Variants in CMYA5 observed in about 807,000 individuals in gnomAD.
CMYA5 encodes cardiomyopathy-associated protein 5.
In CMYA5, 246 loss-of-function variants were observed where a neutral mutation model predicts 318.9. The observed-to-expected ratio is 0.77, with a 90% CI of 0.70 to 0.86. CMYA5 has a LOEUF of 0.86. Ranked by LOEUF, CMYA5 falls within the 40% of genes least tolerant of loss-of-function variation. The pLI is 0.00. For synonymous variants in CMYA5, 1,641 were observed against 1,729.5 expected (o/e 0.95, Z 1.27); for missense variants, 4,589 against 4,678.2 (o/e 0.98, Z 0.56).
chr5:79,736,095 G>T lies in CMYA5; in HGVS notation c.7330G>T (p.Glu2444Ter). 6.2e-7 allele frequency: 1 copy of T among 1,612,798 alleles called. No homozygotes were observed. The highest frequency in any genetic ancestry group is 8.5e-7 in the Non-Finnish European group (1 of 1,179,600). ...TCCTACTTCCTTGAAAATTTCTGAA[G>T]AGGAAACAAAACTCAGGTCTGTTAG... Reference protein sequence around the residue: ...QNPTSLKISEEETKLRSVSPT... With the variant: ...QNPTSLKISE The change falls in exon 2 of 13, where the codon GAG becomes TAG. Residue 2444 changes from glutamate (E) to a stop codon, truncating the protein, a stop_gained. Transcript: ENST00000446378. LOFTEE classifies it high-confidence loss of function.
chr5:79,730,166 A>T lies in CMYA5; in HGVS notation c.1401A>T (p.Glu467Asp). ...QPDLTSIERA[E>D]PVSAKLTPTH... ...ACCTGACTTCAATAGAAAGGGCAGAACCAGTCTCCGCAAAACTGACCCCTA... is the reference window on the plus strand; with the variant it reads ...ACCTGACTTCAATAGAAAGGGCAGATCCAGTCTCCGCAAAACTGACCCCTA... The change falls in exon 2 of 13, where the codon GAA becomes GAT. Residue 467 changes from glutamate (E) to aspartate (D), a missense_variant. This residue lies in a region of CMYA5 where 2,132 missense variants were observed against 2,131.3 expected (regional missense o/e 1.00). Coordinates refer to ENST00000446378, the MANE Select transcript of CMYA5 (RefSeq NM_153610.5). 1 of 1,613,952 alleles carries T rather than the reference A, an allele frequency of 6.2e-7. No homozygotes were observed. The highest frequency in any genetic ancestry group is 1.3e-5 in the African/African-American group (1 of 75,040).
At chr5:79,691,907 A>G (rs928442533) in intron 1 of CMYA5, among the ~76,000 whole-genome samples, 2 of 152,200 alleles carry the variant, frequency 1.3e-5, no homozygotes, top group Non-Finnish European at 2.9e-5. Flanking sequence ...AAGGTGGGAA[A>G]ACTGAAGGGC....
intron 9 of CMYA5, among the ~76,000 whole-genome samples, chr5:79,770,983 T>C (rs1356520065): frequency 6.6e-6 from 1 of 151,960 alleles, no homozygotes; most frequent in East Asian, 1.9e-4. Flanking sequence ...ACAACATCTC[T>C]TTTAATGTGC....
At chr5:79,708,384 G>A (rs1017335460) in intron 1 of CMYA5, among the ~76,000 whole-genome samples, 25 of 152,176 alleles carry the variant, frequency 1.6e-4, no homozygotes. Context: ...CACTTTGGGA[G>A]GCCGAGGCAG....
At position 79,737,908 on chromosome 5, in the gene CMYA5, G is replaced by A. The variant is rs371227680; in HGVS notation, c.9143G>A (p.Ser3048Asn). 4 of 1,605,790 alleles carry A rather than the reference G, an allele frequency of 2.5e-6. No homozygotes were observed. The highest frequency in any genetic ancestry group is 3.4e-6 in the Non-Finnish European group (4 of 1,178,050). Residue 3048 changes from serine to asparagine, a missense_variant, in exon 2 of 13, where the codon AGT becomes AAT. Physicochemically the swap from Ser to Asn is conservative, Grantham distance 46. Around this residue, in one of 3 missense-constraint regions of CMYA5, gnomAD observed 2,431 missense variants for 2,495.1 expected, o/e 0.97. Coordinates refer to ENST00000446378, the MANE Select transcript of CMYA5 (RefSeq NM_153610.5). ...TCATTTATTCAGCCCACAATTCCCA[G>A]TGAAGAGGATTATTTTGAAAAATAT... ...DLSFIQPTIP[S>N]EEDYFEKYTL...
rs1229266829 is a variant in CMYA5, at chr5:79,732,769, C to T, written c.4004C>T (p.Ala1335Val). Reference sequence around the variant, plus strand: ...GTTGAACATGGTCCACCTGCACTAGCATTTTCAGCTTTGTCAGAAGAAATT... The same window carrying T: ...GTTGAACATGGTCCACCTGCACTAGTATTTTCAGCTTTGTCAGAAGAAATT... ...KQVEHGPPALAFSALSEEIKK... is the reference protein window; with the variant it reads ...KQVEHGPPALVFSALSEEIKK... Residue 1335 changes from alanine to valine, a missense_variant, in exon 2 of 13, where the codon GCA (alanine) becomes GTA (valine). This residue lies in a region of CMYA5 where 2,132 missense variants were observed against 2,131.3 expected (regional missense o/e 1.00). Transcript: ENST00000446378. The T allele has an allele frequency of 6.2e-6, 10 of 1,613,760 alleles. No individual in the cohort carries two copies. Among genetic ancestry groups the T allele is most frequent in the Non-Finnish European group, 8.5e-7 (1 of 1,179,826 alleles).
rs1580776983 is a variant in CMYA5, at chr5:79,738,326, T to G, written c.9561T>G (p.Pro3187=). 6.2e-7 allele frequency: 1 copy of G among 1,613,698 alleles called. No individual in the cohort carries two copies. The highest frequency in any genetic ancestry group is 1.1e-5 in the South Asian group (1 of 91,018). Residue 3187 remains proline (P), a synonymous_variant, in exon 2 of 13, where the codon CCT becomes CCG. Coordinates refer to ENST00000446378, the MANE Select transcript of CMYA5 (RefSeq NM_153610.5). ...ATCCAGAATTTCTGGAGGAGCCACC[T>G]GCACTTGCATTTTTATATAAGGATC... ...VIDPEFLEEP[P]ALAFLYKDLY... is the part of the protein sequence containing the mutation.
intron 6 of CMYA5, among the ~76,000 whole-genome samples, chr5:79,755,844 T>C (rs530973322): frequency 4.7e-4 from 72 of 152,354 alleles, no homozygotes; most frequent in Non-Finnish European, 8.7e-4. Context: ...CTAACCTACA[T>C]ACTTTGCTTC....
rs1391809271 is a variant in CMYA5 at position 79,737,439 on chromosome 5, T to A, written c.8674T>A (p.Tyr2892Asn). The A allele has an allele frequency of 6.2e-7, 1 of 1,613,722 alleles. No homozygotes were observed. Among genetic ancestry groups the A allele is most frequent in the Non-Finnish European group, 8.5e-7 (1 of 1,179,812 alleles). Residue 2892 changes from tyrosine (Y) to asparagine (N), a missense_variant, in exon 2 of 13, where the codon TAT becomes AAT. This residue lies in a region of CMYA5 where 2,431 missense variants were observed against 2,495.1 expected (regional missense o/e 0.97). Transcript: ENST00000446378. The part of the protein sequence containing the change: ...KEPLSSAKSN[Y>N]AQFISNTSAS... ...ACCACTGTCTTCAGCAAAAAGCAAC[T>A]ATGCTCAATTTATATCTAATACATC...
At chr5:79,785,503 G>A (rs976984780) in intron 9 of CMYA5, among the ~76,000 whole-genome samples, 8 of 151,452 alleles carry the variant, frequency 5.3e-5, no homozygotes, top group African/African-American at 1.5e-4. Flanking sequence ...TCTTTATATA[G>A]ATCTTATATC....
Position 79,799,445 on chromosome 5 carries a change from G to A in CMYA5, c.12039G>A (p.Leu4013=). The change falls in exon 13 of 13, where the codon CTG becomes CTA. Residue 4013 remains leucine (L), a synonymous_variant. Transcript: ENST00000446378. ...GTCCAGCCAGAGTGGGCATCCTGCT[G>A]GACTACAACAACCAGAGACTTATCT... is the stretch of plus-strand genomic sequence containing the variant. The part of the protein sequence containing the change: ...TERPARVGIL[L]DYNNQRLIFI... 3.1e-6 allele frequency: 5 copies of A among 1,613,950 alleles called. No homozygotes were observed. The highest frequency in any genetic ancestry group is 4.2e-6 in the Non-Finnish European group (5 of 1,179,886).
intron 10 of CMYA5, 117 bp downstream of exon 10, chr5:79,789,221 G>A (rs1829134888): frequency 2.5e-6 from 3 of 1,223,956 alleles, no homozygotes; most frequent in East Asian, 2.5e-5. Context: ...TCAGTGGTAG[G>A]TTTTTGTCAT....
chr5:79,722,790 G>A (rs1827667149), intron 1 of CMYA5, among the ~76,000 whole-genome samples: 1 of 151,754 alleles, frequency 6.6e-6, no homozygotes, highest in South Asian at 2.1e-4. Flanking sequence ...AAAATTTTAG[G>A]TCTTGTGTAC....
intron 1 of CMYA5, among the ~76,000 whole-genome samples, chr5:79,721,757 A>T: frequency 6.6e-6 from 1 of 152,354 alleles, no homozygotes; most frequent in African/African-American, 2.4e-5. Context: ...ACTATTATTA[A>T]AAGTTAAAAT....
chr5:79,716,251 G>T (rs930402346), intron 1 of CMYA5, among the ~76,000 whole-genome samples: 14 of 152,190 alleles, frequency 9.2e-5, no homozygotes, highest in Admixed American at 5.2e-4. Flanking sequence ...AGCTAGAGAT[G>T]AAAATATCAA....
intron 1 of CMYA5, among the ~76,000 whole-genome samples, chr5:79,701,018 G>A (rs1343097589): frequency 6.7e-6 from 1 of 150,002 alleles, no homozygotes; most frequent in African/African-American, 2.5e-5. Flanking sequence ...GCTGAGGCAA[G>A]CGGATCACTT....
At position 79,730,789 on chromosome 5, in the gene CMYA5, A is replaced by G; in HGVS notation, c.2024A>G (p.Glu675Gly). The G allele has an allele frequency of 1.9e-6, 3 of 1,613,866 alleles. No individual in the cohort carries two copies. The highest frequency in any genetic ancestry group is 2.5e-6 in the Non-Finnish European group (3 of 1,179,848). The change falls in exon 2 of 13, where the codon GAA becomes GGA. Residue 675 changes from glutamate to glycine, a missense_variant. By Grantham distance (98) the Glu-to-Gly change is moderately conservative. Transcript: ENST00000446378. Reference sequence around the variant, plus strand: ...CCACTGTTTTCAACAGTTACACCAGAATACATGGTCCTATCAGGAGACGAG... The same window carrying G: ...CCACTGTTTTCAACAGTTACACCAGGATACATGGTCCTATCAGGAGACGAG... ...QSPLFSTVTP[E>G]YMVLSGDEAS...
rs781506341 is a variant in CMYA5, at chr5:79,691,193, A to AG, written c.149+1138dup. 9.8e-5 allele frequency among the ~76,000 whole-genome samples: 15 copies of AG among 152,294 alleles called. No homozygotes were observed. The East Asian group carries it at 2.5e-3, about 25-fold the overall frequency. On this transcript the variant is annotated intron_variant, in intron 1 of 12. Coordinates refer to ENST00000446378, the MANE Select transcript of CMYA5 (RefSeq NM_153610.5). ...GAGTGTTGGGCTGGAGCTGCCTTGA[A>AG]GTAGTGGGCAGGGACTACAAACAGG...
rs1580764258 is a variant in CMYA5 at position 79,729,131 on chromosome 5, C to G, written c.366C>G (p.Ser122=). 1.2e-6 allele frequency: 2 copies of G among 1,613,260 alleles called. No homozygotes were observed. The highest frequency in any genetic ancestry group is 1.7e-6 in the Non-Finnish European group (2 of 1,179,592). The change falls in exon 2 of 13, where the codon TCC becomes TCG. Residue 122 remains serine (S), a synonymous_variant. Coordinates refer to ENST00000446378, the MANE Select transcript of CMYA5 (RefSeq NM_153610.5). The stretch of plus-strand genomic sequence containing the variant: ...TGAATTCTCCTCCTGGAAATGTTTC[C>G]TTTATTGTGGATGAAGTGAAAAAGG... ...STVNSPPGNV[S]FIVDEVKKVR...
Sources: allele counts gnomAD v4.1 joint callset (sites outside exome capture counted in the v4.1 genomes callset), GRCh38; gene constraint gnomAD v4.1.1; regional missense constraint gnomAD v4.1.1; transcripts MANE v1.5; gene names NCBI Gene and HGNC (gene_info 2026-07-23, HGNC 2026-07-21).